The following CDH6 variants were observed in gnomAD, a reference collection of about 807,000 sequenced individuals.
The protein encoded by CDH6 is cadherin 6, also known as cadherin-6.
A neutral mutation model predicts 78.0 loss-of-function variants in CDH6; 31 were observed. The ratio of observed to expected loss-of-function variants is 0.40; its 90% CI spans 0.30 to 0.54. The LOEUF (loss-of-function observed/expected upper bound fraction) is 0.54, where lower values mean the gene tolerates loss of function less well. Ranked by LOEUF, CDH6 falls within the 20% of genes least tolerant of loss-of-function variation. CDH6 has a pLI of 0.56. For missense variants in CDH6, 724 were observed against 975.9 expected (o/e 0.74, Z 3.44); for synonymous variants, 376 against 368.8 (o/e 1.02, Z -0.23).
At chr5:31,206,494 T>A (rs13172940) in intron 1 of CDH6, among the ~76,000 whole-genome samples, 43,065 of 151,918 alleles carry the variant, frequency 0.28, 6,215 homozygotes, top group African/African-American at 0.32. Context: ...TTTGAGTCAG[T>A]CTTATAATCA....
intron 1 of CDH6, among the ~76,000 whole-genome samples, chr5:31,234,696 C>A (rs1010129557): frequency 1.3e-5 from 2 of 152,252 alleles, no homozygotes; most frequent in South Asian, 2.1e-4. Context: ...TAAAAATAGA[C>A]CTTTCTTCTT....
chr5:31,236,903 C>A (rs939547855), intron 1 of CDH6, among the ~76,000 whole-genome samples: 1 of 152,086 alleles, frequency 6.6e-6, no homozygotes, highest in Non-Finnish European at 1.5e-5. Context: ...ATTTCAGATG[C>A]TTGGGGAGTG....
chr5:31,228,335 A>T (rs1300931913), intron 1 of CDH6, among the ~76,000 whole-genome samples: 4 of 152,142 alleles, frequency 2.6e-5, no homozygotes, highest in African/African-American at 9.7e-5. Flanking sequence ...GTGGATTGGG[A>T]CGTGGGCATA....
At chr5:31,290,021 C>T (rs1743113449) in intron 2 of CDH6, among the ~76,000 whole-genome samples, 1 of 151,756 alleles carries the variant, frequency 6.6e-6, no homozygotes, top group African/African-American at 2.4e-5. Context: ...TTTGGGAGGC[C>T]CAAGGCGGAC....
At chr5:31,211,689 G>A (rs1049285843) in intron 1 of CDH6, among the ~76,000 whole-genome samples, 2 of 152,016 alleles carry the variant, frequency 1.3e-5, no homozygotes, top group South Asian at 4.2e-4. Context: ...GCATTTAGGT[G>A]GTTGTGATGT....
Position 31,267,533 on chromosome 5 carries a change from C to G in CDH6, c.60C>G (p.Leu20=), listed in dbSNP as rs1272848888. 12 of 1,613,976 alleles carry G rather than the reference C, an allele frequency of 7.4e-6. No homozygotes were observed. Among genetic ancestry groups the G allele is most frequent in the Non-Finnish European group, 1.0e-5 (12 of 1,180,022 alleles). The change falls in exon 2 of 12, where the codon CTC becomes CTG. Residue 20 remains leucine, a synonymous_variant. Transcript: ENST00000265071. The part of the protein sequence containing the change: ...LFWVGQPYPT[L]STPLSKRTSG... ...GGGTGGGCCAGCCCTACCCAACTCT[C>G]TCAACTCCACTATCAAAGAGGACTA...
chr5:31,254,804 C>T (rs1011988287), intron 1 of CDH6, among the ~76,000 whole-genome samples: 64 of 152,136 alleles, frequency 4.2e-4, no homozygotes, highest in African/African-American at 1.5e-3. Context: ...CCGGATGTAT[C>T]TTAGAAAGAC....
At chr5:31,283,001 A>T (rs111715162) in intron 2 of CDH6, among the ~76,000 whole-genome samples, 5,320 of 152,264 alleles carry the variant, frequency 0.035, 307 homozygotes, top group African/African-American at 0.12. Flanking sequence ...GGAAGGATGG[A>T]TGGATGGATG....
intron 1 of CDH6, among the ~76,000 whole-genome samples, chr5:31,227,182 T>C (rs1210942339): frequency 6.6e-6 from 1 of 152,014 alleles, no homozygotes. Flanking sequence ...TCACCCCCTT[T>C]CTGAAACTAA....
chr5:31,215,685 G>GC (rs1740843028), intron 1 of CDH6, among the ~76,000 whole-genome samples: 1 of 152,038 alleles, frequency 6.6e-6, no homozygotes. Context: ...AAGAGCCAAA[G>GC]CCTTCACCTG....
intron 2 of CDH6, among the ~76,000 whole-genome samples, chr5:31,271,662 A>G (rs1193714076): frequency 6.6e-6 from 1 of 152,194 alleles, no homozygotes; most frequent in Non-Finnish European, 1.5e-5. Context: ...AGTTTAAGAT[A>G]TAAAAACGGG....
chr5:31,227,132 C>T (rs1303182781), intron 1 of CDH6, among the ~76,000 whole-genome samples: 4 of 152,232 alleles, frequency 2.6e-5, no homozygotes, highest in East Asian at 1.9e-4. Flanking sequence ...AGCTGATGCT[C>T]GGAAAGAAGA....
chr5:31,314,137 GA>G (rs1473845582), intron 8 of CDH6, among the ~76,000 whole-genome samples: 2 of 152,062 alleles, frequency 1.3e-5, no homozygotes, highest in African/African-American at 4.8e-5. Context: ...GAACATAAGT[GA>G]AAAATGATCT....
At chr5:31,215,064 C>T (rs1740826829) in intron 1 of CDH6, among the ~76,000 whole-genome samples, 1 of 152,108 alleles carries the variant, frequency 6.6e-6, no homozygotes, top group Non-Finnish European at 1.5e-5. Context: ...AGTATATTTT[C>T]AACTATAATT....
intron 1 of CDH6, among the ~76,000 whole-genome samples, chr5:31,259,951 A>G (rs1016976199): frequency 1.3e-5 from 2 of 152,248 alleles, no homozygotes; most frequent in Non-Finnish European, 2.9e-5. Flanking sequence ...CCTCCACTCC[A>G]GAAATAAAGG....
At chr5:31,318,032 T>G in intron 11 of CDH6, 108 bp downstream of exon 11, 1 of 1,315,758 alleles carries the variant, frequency 7.6e-7, no homozygotes, top group Non-Finnish European at 1.1e-6. Flanking sequence ...CAGCCTGATC[T>G]AGGTGAGTCG....
chr5:31,197,857 C>T (rs1452491061), intron 1 of CDH6, among the ~76,000 whole-genome samples: 1 of 152,152 alleles, frequency 6.6e-6, no homozygotes, highest in East Asian at 1.9e-4. Context: ...TTTGTTCCAG[C>T]TTGCCTTTTC....
At chr5:31,274,405 A>G (rs1439656752) in intron 2 of CDH6, among the ~76,000 whole-genome samples, 1 of 152,244 alleles carries the variant, frequency 6.6e-6, no homozygotes, top group Non-Finnish European at 1.5e-5. Flanking sequence ...TACCCTGGCC[A>G]GCCGCACAGC....
intron 1 of CDH6, among the ~76,000 whole-genome samples, chr5:31,239,736 G>A (rs1219583479): frequency 2.0e-5 from 3 of 152,106 alleles, no homozygotes; most frequent in Admixed American, 1.3e-4. Flanking sequence ...CAAGGCAAAG[G>A]CATAGCATTC....
Sources: gnomAD v4.1 joint callset for allele counts (sites outside exome capture counted in the v4.1 genomes callset) on GRCh38, gnomAD v4.1.1 for gene constraint, MANE v1.5 for transcripts, NCBI Gene and HGNC (gene_info 2026-07-23, HGNC 2026-07-21) for gene names.